Variants in SLC5A11 observed in about 807,000 individuals in gnomAD.
SLC5A11 encodes solute carrier family 5 member 11, also known as sodium/myo-inositol cotransporter 2.
SLC5A11 carries 48 observed loss-of-function variants against 69.8 expected under a neutral mutation model. The observed-to-expected ratio is 0.69, with a 90% CI of 0.55 to 0.87. SLC5A11 has a LOEUF of 0.87. Among genes scored for constraint, SLC5A11 ranks in the 40% least tolerant of loss-of-function variants. The probability of loss-of-function intolerance (pLI) is 0.00; values close to 1 mark genes in which losing one functional copy is unlikely to be tolerated. For synonymous variants in SLC5A11, 319 were observed against 342.4 expected, an observed-to-expected ratio of 0.93 and a Z score of 0.75; for missense variants, 784 against 866.1, an observed-to-expected ratio of 0.91 and a Z score of 1.19.
chr16:24,872,997 A>G, intron 5 of SLC5A11, among the ~76,000 whole-genome samples: 1 of 129,108 alleles, frequency 7.7e-6, no homozygotes. Flanking sequence ...AAAATTAGCC[A>G]GATGTGGTGG....
At chr16:24,860,114 C>T (rs1380858780) in intron 2 of SLC5A11, among the ~76,000 whole-genome samples, 1 of 152,156 alleles carries the variant, frequency 6.6e-6, no homozygotes, top group East Asian at 1.9e-4. Context: ...GGTGAAACCC[C>T]ATCACTATTA....
At chr16:24,865,801 G>C (rs1168513579) in intron 3 of SLC5A11, among the ~76,000 whole-genome samples, 1 of 151,638 alleles carries the variant, frequency 6.6e-6, no homozygotes, top group Non-Finnish European at 1.5e-5. Flanking sequence ...AGACATCAGA[G>C]AGTAACTTGA....
intron 1 of SLC5A11, among the ~76,000 whole-genome samples, chr16:24,851,638 A>G (rs545566413): frequency 6.6e-6 from 1 of 152,316 alleles, no homozygotes; most frequent in African/African-American, 2.4e-5. Flanking sequence ...ATGGTTTTAT[A>G]AAATGGACGG....
chr16:24,861,280 A>T (rs2059759189), intron 2 of SLC5A11, among the ~76,000 whole-genome samples: 1 of 152,068 alleles, frequency 6.6e-6, no homozygotes, highest in African/African-American at 2.4e-5. Flanking sequence ...GCTCAGTTCG[A>T]GACCAGCCTG....
At chr16:24,889,372 C>G (rs1056348689) in intron 8 of SLC5A11, among the ~76,000 whole-genome samples, 2 of 151,810 alleles carry the variant, frequency 1.3e-5, no homozygotes, top group African/African-American at 4.8e-5. Flanking sequence ...GTCTTAACTA[C>G]TCTGGAGGTT....
chr16:24,861,649 A>C (rs1212367619), intron 2 of SLC5A11, among the ~76,000 whole-genome samples: 3 of 147,372 alleles, frequency 2.0e-5, no homozygotes, highest in African/African-American at 7.6e-5. Context: ...AAGGGACAAG[A>C]AGAAGAAAGA....
chr16:24,896,942 C>CTTTTTTTTTTTTTTTTTTTTTT (rs869210839), intron 9 of SLC5A11, among the ~76,000 whole-genome samples: 1 of 97,092 alleles, frequency 1.0e-5, no homozygotes, highest in African/African-American at 5.0e-5. Context: ...AACCTCCTTC[C>CTTTTTTTTTTTTTTTTTTTTTT]TTTTTTTTTT....
At chr16:24,896,220 C>A (rs1413571491) in intron 9 of SLC5A11, among the ~76,000 whole-genome samples, 1 of 151,510 alleles carries the variant, frequency 6.6e-6, no homozygotes, top group Non-Finnish European at 1.5e-5. Context: ...AAAATGTAGC[C>A]AAGTGTGGTG....
At chr16:24,896,566 A>G (rs1193321678) in intron 9 of SLC5A11, among the ~76,000 whole-genome samples, 1 of 152,166 alleles carries the variant, frequency 6.6e-6, no homozygotes, top group Non-Finnish European at 1.5e-5. Flanking sequence ...AATGGAAGCA[A>G]CTAATATTTA....
At chr16:24,906,814 A>G in intron 11 of SLC5A11, 50 bp downstream of exon 12, 1 of 1,521,376 alleles carries the variant, frequency 6.6e-7, no homozygotes. Flanking sequence ...CCCAGAAAGG[A>G]GATCACCGGA....
chr16:24,886,385 A>G (rs1220883182), intron 8 of SLC5A11, among the ~76,000 whole-genome samples: 1 of 125,412 alleles, frequency 8.0e-6, no homozygotes, highest in Non-Finnish European at 1.9e-5. Context: ...AAATAATAAA[A>G]TTATAAAAGA....
intron 8 of SLC5A11, among the ~76,000 whole-genome samples, chr16:24,885,172 T>C (rs896745044): frequency 9.9e-5 from 15 of 152,200 alleles, no homozygotes; most frequent in African/African-American, 2.7e-4. Context: ...TCATGTCTCT[T>C]TGGAGGCTCC....
intron 9 of SLC5A11, among the ~76,000 whole-genome samples, chr16:24,894,308 C>T (rs1223739709): frequency 6.6e-6 from 1 of 152,198 alleles, no homozygotes. Context: ...ACAGCTCTCC[C>T]TCCTCCTTTC....
chr16:24,910,472 ACAG>A (rs1465783526), exon 15 of SLC5A11: 1 of 1,613,956 alleles, frequency 6.2e-7, no homozygotes, highest in Admixed American at 1.7e-5. Flanking sequence ...TCTAAAACCC[ACAG>A]CTGTGAGTAG....
chr16:24,882,382 A>G (rs1833002254), intron 7 of SLC5A11, among the ~76,000 whole-genome samples: 1 of 152,186 alleles, frequency 6.6e-6, no homozygotes, highest in Non-Finnish European at 1.5e-5. Flanking sequence ...CTGAGGCCAG[A>G]ATCAAAGCCA....
intron 2 of SLC5A11, among the ~76,000 whole-genome samples, chr16:24,861,035 A>G (rs937608680): frequency 4.6e-5 from 7 of 152,122 alleles, no homozygotes; most frequent in East Asian, 1.9e-4. Context: ...TTATCTTACA[A>G]TGAATGAGGT....
intron 4 of SLC5A11, 81 bp from the exon 6 acceptor site, chr16:24,872,079 G>C: frequency 6.6e-7 from 1 of 1,514,766 alleles, no homozygotes; most frequent in Non-Finnish European, 9.2e-7. Flanking sequence ...AGGCCAGGCT[G>C]CCTCAGGGCG....
intron 1 of SLC5A11, among the ~76,000 whole-genome samples, chr16:24,854,444 T>C (rs907965994): frequency 4.0e-5 from 6 of 150,546 alleles, no homozygotes; most frequent in African/African-American, 1.0e-4. Flanking sequence ...TTTTTTTTTT[T>C]CCGGAGACAG....
intron 2 of SLC5A11, among the ~76,000 whole-genome samples, chr16:24,860,716 T>G (rs1301734812): frequency 6.6e-6 from 1 of 152,120 alleles, no homozygotes; most frequent in African/African-American, 2.4e-5. Context: ...TGTTTTTTGT[T>G]TTTTGTTTTG....
Sources: allele counts gnomAD v4.1 joint callset (sites outside exome capture counted in the v4.1 genomes callset), GRCh38; gene constraint gnomAD v4.1.1; transcripts MANE v1.5; gene names NCBI Gene and HGNC (gene_info 2026-07-23, HGNC 2026-07-21).